DNAH7: variants seen among roughly 807,000 people sequenced by gnomAD.
DNAH7 encodes axonemal beta dynein heavy chain 7.
Under a neutral mutation model 444.6 loss-of-function variants are expected in DNAH7, and 397 were observed. That is an observed-to-expected ratio of 0.89 (90% CI 0.82 to 0.97). The LOEUF is 0.97. Among genes scored for constraint, DNAH7 ranks in the 50% least tolerant of loss-of-function variants. The pLI is 0.00. For synonymous variants in DNAH7, 1,636 were observed against 1,624.4 expected (o/e 1.01, Z -0.17); for missense variants, 4,902 against 4,800.8 (o/e 1.02, Z -0.62).
intron 21 of DNAH7, among the ~76,000 whole-genome samples, chr2:195,928,025 T>C (rs1688454770): frequency 6.6e-6 from 1 of 152,130 alleles, no homozygotes; most frequent in Non-Finnish European, 1.5e-5. Context: ...TGCACCAAGG[T>C]AGTGAGCATA....
intron 55 of DNAH7, among the ~76,000 whole-genome samples, chr2:195,798,525 G>A (rs1197624546): frequency 6.8e-6 from 1 of 147,430 alleles, no homozygotes; most frequent in East Asian, 2.0e-4. Context: ...GACAAGGCAT[G>A]TAAATAGTAG....
At chr2:195,997,602 TATCACATTA>T (rs1423139241) in intron 12 of DNAH7, among the ~76,000 whole-genome samples, 1 of 152,176 alleles carries the variant, frequency 6.6e-6, no homozygotes, top group Non-Finnish European at 1.5e-5. Flanking sequence ...TTCTAAAGCA[TATCACATTA>T]AATCAGGAGA....
At chr2:195,895,961 T>C (rs778050942) in intron 29 of DNAH7, among the ~76,000 whole-genome samples, 4 of 152,196 alleles carry the variant, frequency 2.6e-5, no homozygotes, top group Admixed American at 6.5e-5. Flanking sequence ...TATCCACCTA[T>C]TGATGTGCAT....
chr2:195,857,234 A>T, intron 44 of DNAH7, 143 bp downstream of exon 44: 1 of 701,310 alleles, frequency 1.4e-6, no homozygotes, highest in South Asian at 2.5e-5. Flanking sequence ...TCTTGCCTCC[A>T]GTAAATATGC....
At chr2:196,028,236 G>A (rs190835838) in intron 5 of DNAH7, among the ~76,000 whole-genome samples, 189 bp from the exon 6 acceptor site, 299 of 152,274 alleles carry the variant, frequency 2.0e-3, no homozygotes, top group African/African-American at 6.8e-3. Flanking sequence ...TTCATAGAGA[G>A]ACAATTATAT....
intron 2 of DNAH7, among the ~76,000 whole-genome samples, chr2:196,052,407 TGTTTAA>T (rs1235286121): frequency 1.3e-5 from 2 of 152,234 alleles, no homozygotes; most frequent in African/African-American, 4.8e-5. Flanking sequence ...AAGTGAGATG[TGTTTAA>T]GTTTAAAATA....
At chr2:195,921,184 A>G (rs112133292) in intron 24 of DNAH7, among the ~76,000 whole-genome samples, 180 of 152,346 alleles carry the variant, frequency 1.2e-3, no homozygotes, top group African/African-American at 4.3e-3. Context: ...TAGATCTACC[A>G]TTTGATCAAG....
chr2:195,872,525 A>T, intron 39 of DNAH7, 56 bp from the exon 40 acceptor site: 1 of 1,222,318 alleles, frequency 8.2e-7, no homozygotes, highest in Non-Finnish European at 1.1e-6. Flanking sequence ...TAGAATTACG[A>T]CACAAAAAGG....
At chr2:195,986,552 G>A (rs1692923215) in intron 14 of DNAH7, among the ~76,000 whole-genome samples, 1 of 152,116 alleles carries the variant, frequency 6.6e-6, no homozygotes, top group African/African-American at 2.4e-5. Context: ...CAGGTATTCT[G>A]CTTTATACAC....
chr2:195,796,732 A>C lies in DNAH7; in HGVS notation c.10359T>G (p.Tyr3453Ter), dbSNP rs752835371. ...ALLKFADDQG[Y>*]GGSKLSSLSL... Reference sequence around the variant, plus strand: ...ATAAAGAGCTAAGTTTTGATCCCCCATATCCCTGTGTACAAGAATAGTAGA... The same window carrying C: ...ATAAAGAGCTAAGTTTTGATCCCCCCTATCCCTGTGTACAAGAATAGTAGA... The change falls in exon 56 of 65, where the codon TAT (tyrosine) becomes TAG (stop). Residue 3453 changes from tyrosine (Y) to a stop codon, truncating the protein, a stop_gained. Coordinates refer to ENST00000312428, the MANE Select transcript of DNAH7 (RefSeq NM_018897.3). LOFTEE classifies it high-confidence loss of function. 1 of 1,613,632 alleles carries C rather than the reference A, an allele frequency of 6.2e-7. No individual in the cohort carries two copies. Among genetic ancestry groups the C allele is most frequent in the Admixed American group, 1.7e-5 (1 of 59,918 alleles).
intron 1 of DNAH7, among the ~76,000 whole-genome samples, chr2:196,061,065 T>C (rs76010405): frequency 0.047 from 7,088 of 152,258 alleles, 229 homozygotes; most frequent in Non-Finnish European, 0.073. Context: ...AATTAACATA[T>C]GCATTACCCC....
rs1428456435 is a variant in DNAH7, at chr2:195,888,711, T to G, written c.5229+88A>C. The G allele has an allele frequency of 3.0e-6, 4 of 1,340,028 alleles. No homozygotes were observed. The African/African-American group carries it at 4.5e-5, about 15-fold the overall frequency. The allele number at this position is 1,340,028 out of a possible 1,614,324, so 83.0% of individuals were successfully genotyped here. ...CTCTTAAAAGAAATTCTGCTAATAT[T>G]TTTTGTTTAAAGTCAAAGGTACTAA... On this transcript the variant is annotated intron_variant, in intron 32 of 64. Coordinates refer to ENST00000312428, the MANE Select transcript of DNAH7 (RefSeq NM_018897.3).
intron 40 of DNAH7, among the ~76,000 whole-genome samples, chr2:195,867,818 T>C (rs544214899): frequency 5.3e-5 from 8 of 152,206 alleles, no homozygotes; most frequent in Non-Finnish European, 7.4e-5. Context: ...ATTTTGTTTG[T>C]CCACTCATCA....
At position 195,961,023 on chromosome 2, in the gene DNAH7, T is replaced by C. The variant is rs902440962; in HGVS notation, c.2206-78A>G. 8 of 1,242,164 alleles carry C rather than the reference T, an allele frequency of 6.4e-6. No homozygotes were observed. In the South Asian group the frequency reaches 1.1e-4, roughly 18 times the overall value. 76.9% of individuals were successfully genotyped at this position (1,242,164 alleles called of 1,614,324 possible). A position where few individuals can be genotyped will look rare whatever the true frequency, so the allele number is the denominator to read the frequency against. On this transcript the variant is annotated intron_variant, in intron 17 of 64. Transcript: ENST00000312428. ...CAAATTAAGTTTTTTTAAATATCTA[T>C]TTCAAATGTGAGCCAAAAAAACCTT... is the stretch of plus-strand genomic sequence containing the variant.
intron 27 of DNAH7, chr2:195,903,608 T>C (rs901857182): frequency 2.0e-5 from 3 of 152,156 alleles, no homozygotes; most frequent in South Asian, 4.1e-4. Context: ...TTATGCAGAT[T>C]TTGTCTAAAT....
chr2:196,047,977 G>C (rs1040409373), intron 4 of DNAH7, among the ~76,000 whole-genome samples: 8 of 151,920 alleles, frequency 5.3e-5, no homozygotes, highest in African/African-American at 1.9e-4. Flanking sequence ...ATTTTAAAAA[G>C]AAATATAATT....
rs1695123672 is a variant in DNAH7, at chr2:195,777,680, G to A, written c.11064+120C>T. 6.0e-6 allele frequency: 6 copies of A among 1,001,578 alleles called. No homozygotes were observed. The East Asian group carries it at 1.5e-4, about 26-fold the overall frequency. The allele number at this position is 1,001,578 out of a possible 1,614,324, so 62.0% of individuals were successfully genotyped here. A position where few individuals can be genotyped will look rare whatever the true frequency, so the allele number is the denominator to read the frequency against. On this transcript the variant is annotated intron_variant, in intron 59 of 64. Coordinates refer to ENST00000312428, the MANE Select transcript of DNAH7 (RefSeq NM_018897.3). Reference sequence around the variant, plus strand: ...TTTTATCCCTATATGACTGAAGAAAGCACAGACAAGGGTAACAAAAAAACA... The same window carrying A: ...TTTTATCCCTATATGACTGAAGAAAACACAGACAAGGGTAACAAAAAAACA...
chr2:195,798,768 G>C lies in DNAH7; in HGVS notation c.10353+528C>G, dbSNP rs150158224. Among the ~76,000 whole-genome samples the C allele has an allele frequency of 5.6e-3, 844 of 151,942 alleles. 8 individuals are homozygous for C. The highest frequency in any genetic ancestry group is 0.019 in the African/African-American group (804 of 41,426). ...TCACCGTGTTGGCCAGGATGGTCTC[G>C]ATGTCCTGACCTCGTGATCTGCCCG... On this transcript the variant is annotated intron_variant, in intron 55 of 64. Transcript: ENST00000312428.
At chr2:195,738,524 T>A (rs1187016194) in intron 64 of DNAH7, among the ~76,000 whole-genome samples, 1 of 152,178 alleles carries the variant, frequency 6.6e-6, no homozygotes, top group Non-Finnish European at 1.5e-5. Flanking sequence ...AAGGGATTTT[T>A]ATCAACAGCT....
Sources: allele counts gnomAD v4.1 joint callset (sites outside exome capture counted in the v4.1 genomes callset), GRCh38; gene constraint gnomAD v4.1.1; transcripts MANE v1.5; gene names NCBI Gene and HGNC (gene_info 2026-07-23, HGNC 2026-07-21).